Variants in ITGB7 observed in about 807,000 individuals in gnomAD.
ITGB7 encodes integrin subunit beta 7.
ITGB7 carries 55 observed loss-of-function variants against 83.4 expected under a neutral mutation model. The observed-to-expected ratio is 0.66, with a 90% CI of 0.53 to 0.83. The LOEUF is 0.83. ITGB7 is among the 40% of genes least tolerant of loss of function. ITGB7 has a pLI of 0.00. For missense variants in ITGB7, 921 were observed against 1,046.7 expected (o/e 0.88, Z 1.66); for synonymous variants, 454 against 423.6 (o/e 1.07, Z -0.88).
chr12:53,191,707 C>A, intron 15 of ITGB7, 71 bp from the exon 16 acceptor site: 1 of 1,542,464 alleles, frequency 6.5e-7, no homozygotes, highest in Non-Finnish European at 9.0e-7. Flanking sequence ...ACCTAAGAGG[C>A]CAGCCTTGAG....
Position 53,193,135 on chromosome 12 carries a change from G to C in ITGB7, c.1726+5C>G. On this transcript the variant is annotated splice_donor_5th_base_variant and intron_variant, in intron 12 of 15. Transcript: ENST00000267082. The stretch of plus-strand genomic sequence containing the variant: ...CCCCGCCCTTCTCCCCAAGGCTCCA[G>C]GTACCTCCGCAGAGGATGCCCTCAT... 6.2e-7 allele frequency: 1 copy of C among 1,600,920 alleles called. No individual in the cohort carries two copies. Among genetic ancestry groups the C allele is most frequent in the Non-Finnish European group, 8.5e-7 (1 of 1,169,828 alleles).
chr12:53,200,142 AC>A, intron 3 of ITGB7, 100 bp downstream of exon 3: 1 of 1,024,178 alleles, frequency 9.8e-7, no homozygotes, highest in Non-Finnish European at 1.5e-6. Context: ...AGAAAATCAT[AC>A]ATGTGCCCAC....
At position 53,191,580 on chromosome 12, in the gene ITGB7, T is replaced by C. The variant is rs773644954; in HGVS notation, c.2373A>G (p.Gln791=). 6 of 1,613,460 alleles carry C rather than the reference T, an allele frequency of 3.7e-6. No homozygotes were observed. The highest frequency in any genetic ancestry group is 5.1e-6 in the Non-Finnish European group (6 of 1,179,416). The change falls in exon 16 of 16, where the codon CAA becomes CAG. Residue 791 remains glutamine (Q), a synonymous_variant. Transcript: ENST00000267082. ...AITTTINPRF[Q]EADSPTL is the part of the protein sequence containing the mutation. ...TTCAGAGAGTGGGACTGTCTGCCTC[T>C]TGAAAGCGAGGATTGATGGTGGTCG...
chr12:53,192,095 A>G, intron 14 of ITGB7, 76 bp from the exon 15 acceptor site: 5 of 1,521,078 alleles, frequency 3.3e-6, no homozygotes, highest in Non-Finnish European at 4.5e-6. Context: ...CAGTGTGTCC[A>G]GCCTGTCCAA....
rs373325500 is a variant in ITGB7 at position 53,196,540 on chromosome 12, A to G, written c.816+39T>C. 5.1e-6 allele frequency: 8 copies of G among 1,582,634 alleles called. 1 individual carries two copies. Among genetic ancestry groups the G allele is most frequent in the Non-Finnish European group, 6.0e-6 (7 of 1,159,726 alleles). Reference sequence around the variant, plus strand: ...CCATAAGGGGCAGTCCTGTTCCCAAACAGACCTCCAGGCTCAGATCCCCGC... The same window carrying G: ...CCATAAGGGGCAGTCCTGTTCCCAAGCAGACCTCCAGGCTCAGATCCCCGC... On this transcript the variant is annotated intron_variant, in intron 6 of 15. Coordinates refer to ENST00000267082, the MANE Select transcript of ITGB7 (RefSeq NM_000889.3).
rs1422757890 is a variant in ITGB7, at chr12:53,196,799, T to G, written c.596A>C (p.Lys199Thr). The G allele has an allele frequency of 1.2e-6, 2 of 1,601,892 alleles. No homozygotes were observed. The highest frequency in any genetic ancestry group is 3.4e-5 in the Admixed American group (2 of 59,636). The change falls in exon 6 of 16, where the codon AAA becomes ACA. Residue 199 changes from lysine to threonine, a missense_variant. Physicochemically the swap from Lys to Thr is moderately conservative, Grantham distance 78. Coordinates refer to ENST00000267082, the MANE Select transcript of ITGB7 (RefSeq NM_000889.3). Reference sequence around the variant, plus strand: ...TGTGCTCACAAAGGGCAGCACCGTTTTGTCCACAAAGGAACCAAAACCTGG... The same window carrying G: ...TGTGCTCACAAAGGGCAGCACCGTTGTGTCCACAAAGGAACCAAAACCTGG... ...VRIGFGSFVDKTVLPFVSTVP... is the reference protein window; with the variant it reads ...VRIGFGSFVDTTVLPFVSTVP...
chr12:53,197,051 C>A, intron 5 of ITGB7: 1 of 583,214 alleles, frequency 1.7e-6, no homozygotes, highest in Non-Finnish European at 3.0e-6. Context: ...ATGGGAACTT[C>A]CAGAAGGCGG....
intron 10 of ITGB7, 111 bp from the exon 11 acceptor site, chr12:53,194,012 G>T: frequency 7.6e-7 from 1 of 1,313,250 alleles, no homozygotes; most frequent in Non-Finnish European, 1.1e-6. Context: ...ATGGGGTCAT[G>T]TTAACACCCA....
rs1054261396 is a variant in ITGB7, at chr12:53,192,343, C to T, written c.2142G>A (p.Val714=). The part of the protein sequence containing the change: ...DDARGTVVLR[V]RPQEKGADHT... ...CTGCCCACTTACTTTCTTGGGGTCT[C>T]ACTCTGAGCACGACCGTGCCTCTGG... Residue 714 remains valine (V), a synonymous_variant, in exon 14 of 16, where the codon GTG becomes GTA. Coordinates refer to ENST00000267082, the MANE Select transcript of ITGB7 (RefSeq NM_000889.3). The T allele has an allele frequency of 1.2e-6, 2 of 1,614,088 alleles. No homozygotes were observed. The highest frequency in any genetic ancestry group is 1.6e-4 in the Middle Eastern group (1 of 6,062).
chr12:53,198,012 C>A, intron 3 of ITGB7, 61 bp from the exon 4 acceptor site: 1 of 1,399,158 alleles, frequency 7.1e-7, no homozygotes, highest in Non-Finnish European at 9.6e-7. Flanking sequence ...GCCCCGCTCC[C>A]AAAAACACCC....
intron 1 of ITGB7, chr12:53,206,703 C>T (rs575917378): frequency 6.6e-6 from 1 of 152,422 alleles, no homozygotes; most frequent in South Asian, 2.1e-4. Context: ...CCTCTGCTGC[C>T]CACTGGGAGT....
intron 1 of ITGB7, among the ~76,000 whole-genome samples, chr12:53,205,321 A>C (rs1388462237): frequency 6.6e-6 from 1 of 151,898 alleles, no homozygotes; most frequent in East Asian, 1.9e-4. Context: ...AGTAGCTGGT[A>C]CTACAGGCGC....
At position 53,192,753 on chromosome 12, in the gene ITGB7, G is replaced by A. The variant is rs141826130; in HGVS notation, c.1884C>T (p.Asp628=). The stretch of plus-strand genomic sequence containing the variant: ...GGTCGCATAGAGCACCATAGTAGCC[G>A]TCCAAGCACTGGCAGCGGTTGCATT... ...RCKCNRCQCL[D]GYYGALCDQC... Residue 628 remains aspartate (D), a synonymous_variant, in exon 13 of 16, where the codon GAC becomes GAT. Coordinates refer to ENST00000267082, the MANE Select transcript of ITGB7 (RefSeq NM_000889.3). 16 of 1,614,234 alleles carry A rather than the reference G, an allele frequency of 9.9e-6. No homozygotes were observed. The highest frequency in any genetic ancestry group is 1.6e-4 in the Middle Eastern group (1 of 6,062).
chr12:53,202,227 T>C (rs1942337679), intron 1 of ITGB7, among the ~76,000 whole-genome samples: 1 of 151,786 alleles, frequency 6.6e-6, no homozygotes, highest in Non-Finnish European at 1.5e-5. Flanking sequence ...GGTGTGGTGG[T>C]GGGCGCCTGT....
At chr12:53,191,680 C>T (rs868062939) in intron 15 of ITGB7, 44 bp from the exon 16 acceptor site, 1 of 1,575,872 alleles carries the variant, frequency 6.3e-7, no homozygotes, top group Non-Finnish European at 8.7e-7. Context: ...TCCCAGGATT[C>T]CTCGTCCCCT....
chr12:53,196,097 T>G lies in ITGB7; in HGVS notation c.919A>C (p.Ser307Arg). The G allele has an allele frequency of 1.2e-6, 2 of 1,614,154 alleles. No individual in the cohort carries two copies. The highest frequency in any genetic ancestry group is 1.7e-6 in the Non-Finnish European group (2 of 1,180,014). Residue 307 changes from serine (S) to arginine (R), a missense_variant, in exon 7 of 16, where the codon AGT becomes CGT. Ser to Arg is a moderately radical substitution (Grantham distance 110). Transcript: ENST00000267082. ...DGKLGGIFMP[S>R]DGHCHLDSNG... is the part of the protein sequence containing the mutation. Reference sequence around the variant, plus strand: ...CTGTCCAAGTGGCAGTGCCCATCACTGGGCATGAAAATGCCGCCCAACTTC... The same window carrying G: ...CTGTCCAAGTGGCAGTGCCCATCACGGGGCATGAAAATGCCGCCCAACTTC...
chr12:53,196,282 G>A, intron 6 of ITGB7, 83 bp from the exon 7 acceptor site: 3 of 1,507,816 alleles, frequency 2.0e-6, no homozygotes, highest in Non-Finnish European at 2.7e-6. Flanking sequence ...CCAAGAATGT[G>A]GCCAGCCTCA....
intron 1 of ITGB7, among the ~76,000 whole-genome samples, chr12:53,204,783 T>C (rs1342686716): frequency 6.6e-6 from 1 of 151,638 alleles, no homozygotes; most frequent in Non-Finnish European, 1.5e-5. Flanking sequence ...TTCCCACACC[T>C]ACCCTAAATA....
rs763721469 is a variant in ITGB7, at chr12:53,194,231, T to C, written c.1275A>G (p.Arg425=). 1 of 1,614,088 alleles carries C rather than the reference T, an allele frequency of 6.2e-7. No individual in the cohort carries two copies. Among genetic ancestry groups the C allele is most frequent in the Non-Finnish European group, 8.5e-7 (1 of 1,179,990 alleles). The change falls in exon 10 of 16, where the codon CGA becomes CGG. Residue 425 remains arginine, a synonymous_variant. Transcript: ENST00000267082. ...TGATTCGGACGTGGTTGCACTGTCC[T>C]CGATCCTCAGCCTTACCCTCCCTCT... ...PEKREGKAED[R]GQCNHVRINQ... is the part of the protein sequence containing the mutation.
Sources: gnomAD v4.1 joint callset for allele counts (sites outside exome capture counted in the v4.1 genomes callset) on GRCh38, gnomAD v4.1.1 for gene constraint, MANE v1.5 for transcripts, NCBI Gene and HGNC (gene_info 2026-07-23, HGNC 2026-07-21) for gene names.